The following CAB39 variants were observed in gnomAD, a reference collection of about 807,000 sequenced individuals.
The protein encoded by CAB39 is calcium-binding protein 39.
Under a neutral mutation model 40.0 loss-of-function variants are expected in CAB39, and 8 were observed. That is an observed-to-expected ratio of 0.20 (90% CI 0.12 to 0.36). CAB39 has a LOEUF of 0.36. Among genes scored for constraint, CAB39 ranks in the 10% least tolerant of loss-of-function variants. The pLI is 1.00. For missense variants in CAB39, 270 were observed against 401.1 expected (o/e 0.67, Z 2.79); for synonymous variants, 156 against 141.6 (o/e 1.10, Z -0.72).
intron 2 of CAB39, among the ~76,000 whole-genome samples, chr2:230,766,377 A>G (rs1444993398): frequency 1.3e-5 from 2 of 152,316 alleles, no homozygotes; most frequent in Middle Eastern, 3.4e-3. Context: ...TTATTAGGAG[A>G]GAGAGAGACT....
chr2:230,801,171 T>C (rs1364978934), intron 5 of CAB39, among the ~76,000 whole-genome samples: 1 of 151,972 alleles, frequency 6.6e-6, no homozygotes, highest in Admixed American at 6.5e-5. Flanking sequence ...AGAAACAAAA[T>C]TAAGCAGAGT....
chr2:230,737,667 A>T (rs539017801), intron 1 of CAB39, among the ~76,000 whole-genome samples: 1 of 152,214 alleles, frequency 6.6e-6, no homozygotes, highest in Non-Finnish European at 1.5e-5. Context: ...GCCATGTTCA[A>T]AATTTTTGTA....
At chr2:230,713,647 G>T (rs1232375251) in intron 1 of CAB39, 1 of 152,346 alleles carries the variant, frequency 6.6e-6, no homozygotes, top group Non-Finnish European at 1.5e-5. Flanking sequence ...CTGTTGTCGG[G>T]AGGCAGATAC....
chr2:230,753,987 C>T (rs1695135779), intron 1 of CAB39, among the ~76,000 whole-genome samples: 2 of 152,070 alleles, frequency 1.3e-5, no homozygotes, highest in Admixed American at 6.6e-5. Context: ...TTTAAAATTA[C>T]AATTTTACCA....
At chr2:230,792,564 T>C (rs1276081604) in intron 3 of CAB39, among the ~76,000 whole-genome samples, 1 of 152,224 alleles carries the variant, frequency 6.6e-6, no homozygotes, top group African/African-American at 2.4e-5. Flanking sequence ...AGCTTTCCGA[T>C]TGTAAGATTC....
At chr2:230,748,829 AAAATATATATATATATATATATATAT>A (rs1486658637) in intron 1 of CAB39, among the ~76,000 whole-genome samples, 9 of 46,428 alleles carry the variant, frequency 1.9e-4, no homozygotes, top group South Asian at 7.4e-4. Context: ...AAAAAAAAAA[AAAATATATATATATATATATATATAT>A]ATATATATAT....
intron 1 of CAB39, among the ~76,000 whole-genome samples, chr2:230,742,754 A>G (rs1300777597): frequency 6.6e-6 from 1 of 152,198 alleles, no homozygotes; most frequent in East Asian, 1.9e-4. Context: ...AAAATAATTG[A>G]TCAGAGGGGT....
chr2:230,724,888 C>T (rs11686413), intron 1 of CAB39, among the ~76,000 whole-genome samples: 14,867 of 150,636 alleles, frequency 0.099, 974 homozygotes, highest in Middle Eastern at 0.13. Flanking sequence ...GGGATGGGGC[C>T]GGGAATCCAT....
chr2:230,770,507 A>G (rs1316434345), intron 2 of CAB39, among the ~76,000 whole-genome samples: 1 of 152,238 alleles, frequency 6.6e-6, no homozygotes, highest in Non-Finnish European at 1.5e-5. Context: ...AGAGATTTCT[A>G]CCAAATGTTT....
chr2:230,792,891 T>G (rs1695915532), intron 3 of CAB39, among the ~76,000 whole-genome samples: 1 of 152,216 alleles, frequency 6.6e-6, no homozygotes, highest in South Asian at 2.1e-4. Flanking sequence ...ATCCCTTAGA[T>G]TGTTAACATA....
intron 1 of CAB39, among the ~76,000 whole-genome samples, chr2:230,751,400 T>C (rs1340048314): frequency 6.6e-6 from 1 of 152,244 alleles, no homozygotes; most frequent in Non-Finnish European, 1.5e-5. Flanking sequence ...TTGTGACATA[T>C]AGTAAACACA....
intron 2 of CAB39, among the ~76,000 whole-genome samples, chr2:230,780,180 C>T (rs1280565624): frequency 6.6e-6 from 1 of 152,130 alleles, no homozygotes; most frequent in African/African-American, 2.4e-5. Context: ...CAGAGAGAGC[C>T]ATCAGCCTTG....
At chr2:230,735,409 C>T (rs939384709) in intron 1 of CAB39, among the ~76,000 whole-genome samples, 4 of 152,144 alleles carry the variant, frequency 2.6e-5, no homozygotes, top group Non-Finnish European at 4.4e-5. Flanking sequence ...TCAAGTGATC[C>T]GTCCGCCTCG....
At chr2:230,802,645 C>T (rs1023291548) in intron 5 of CAB39, among the ~76,000 whole-genome samples, 1 of 152,176 alleles carries the variant, frequency 6.6e-6, no homozygotes, top group Non-Finnish European at 1.5e-5. Flanking sequence ...TGCAAATAAA[C>T]TAGAAAATCT....
intron 1 of CAB39, chr2:230,725,324 C>G: frequency 6.3e-7 from 1 of 1,576,684 alleles, no homozygotes; most frequent in Non-Finnish European, 8.7e-7. Flanking sequence ...CAGGACTTCA[C>G]CAATCCCAGC....
chr2:230,773,312 A>ATGTG (rs1321034177), intron 2 of CAB39, among the ~76,000 whole-genome samples: 1,315 of 85,044 alleles, frequency 0.015, 9 homozygotes, highest in East Asian at 0.035. Context: ...ATATATATAT[A>ATGTG]TATGTGTGTG....
chr2:230,778,502 T>C (rs956239199), intron 2 of CAB39, among the ~76,000 whole-genome samples: 3 of 152,222 alleles, frequency 2.0e-5, no homozygotes, highest in Non-Finnish European at 4.4e-5. Context: ...ACCGTGGGAA[T>C]ATTGGATTTA....
intron 1 of CAB39, among the ~76,000 whole-genome samples, chr2:230,722,827 T>C (rs1467151128): frequency 6.6e-6 from 1 of 152,240 alleles, no homozygotes; most frequent in Non-Finnish European, 1.5e-5. Context: ...TCTTGATCTC[T>C]AGTTGGATGT....
intron 5 of CAB39, among the ~76,000 whole-genome samples, chr2:230,803,918 C>CA (rs1219252475): frequency 2.0e-5 from 3 of 152,048 alleles, no homozygotes; most frequent in Admixed American, 2.0e-4. Context: ...CATATGGAAC[C>CA]AAAAAAGAGC....
Sources: allele counts gnomAD v4.1 joint callset (sites outside exome capture counted in the v4.1 genomes callset), GRCh38; gene constraint gnomAD v4.1.1; transcripts MANE v1.5; gene names NCBI Gene and HGNC (gene_info 2026-07-23, HGNC 2026-07-21).